ACTR5: variants seen among roughly 807,000 people sequenced by gnomAD.
ACTR5 encodes actin related protein 5.
ACTR5 carries 43 observed loss-of-function variants against 61.2 expected under a neutral mutation model. The observed-to-expected ratio is 0.70, with a 90% CI of 0.55 to 0.91. The LOEUF is 0.91. ACTR5 is among the 40% of genes least tolerant of loss of function. The pLI is 0.00. For missense variants in ACTR5, 798 were observed against 782.2 expected (o/e 1.02, Z -0.24); for synonymous variants, 333 against 310.5 (o/e 1.07, Z -0.76).
intron 3 of ACTR5, among the ~76,000 whole-genome samples, chr20:38,754,298 C>T (rs62202469): frequency 0.034 from 5,101 of 152,226 alleles, 83 homozygotes; most frequent in Non-Finnish European, 0.044. Flanking sequence ...TCTTTTAGAA[C>T]AGGCCTGCTG....
At chr20:38,768,522 C>A (rs890047578) in intron 8 of ACTR5, among the ~76,000 whole-genome samples, 2 of 152,170 alleles carry the variant, frequency 1.3e-5, no homozygotes, top group African/African-American at 2.4e-5. Context: ...CCCAGCAGTG[C>A]CTTGTAAAAG....
At chr20:38,769,960 G>A (rs945707816) in intron 8 of ACTR5, among the ~76,000 whole-genome samples, 2 of 152,168 alleles carry the variant, frequency 1.3e-5, no homozygotes, top group Non-Finnish European at 1.5e-5. Context: ...GAAAAAAATC[G>A]TAGAGGATTT....
chr20:38,763,707 C>T (rs1484579890), intron 5 of ACTR5, among the ~76,000 whole-genome samples: 1 of 152,196 alleles, frequency 6.6e-6, no homozygotes, highest in Admixed American at 6.5e-5. Flanking sequence ...GCATCCTCAC[C>T]CATCAAATAC....
chr20:38,755,215 A>G (rs533306645), intron 4 of ACTR5, 41 bp downstream of exon 4: 3 of 1,508,250 alleles, frequency 2.0e-6, no homozygotes, highest in East Asian at 4.7e-5. Flanking sequence ...CCGTGTTAAC[A>G]AGATAGTCTC....
intron 1 of ACTR5, 60 bp downstream of exon 1, chr20:38,748,913 C>T (rs1300272038): frequency 5.9e-6 from 9 of 1,532,312 alleles, no homozygotes; most frequent in Non-Finnish European, 7.9e-6. Context: ...GGTCTCGTCT[C>T]CGCTCACTCT....
Position 38,764,031 on chromosome 20 carries a change from GC to G in ACTR5, c.1177-1369del. Among the ~76,000 whole-genome samples, 2 of 152,190 alleles carry G rather than the reference GC, an allele frequency of 1.3e-5. 1 individual carries two copies. The highest frequency in any genetic ancestry group is 2.9e-5 in the Non-Finnish European group (2 of 68,034). ...GAGTACATTGTCACCCATCTTGCAT[GC>G]CATATTTGCCACATGACTTTTGGTG... On this transcript the variant is annotated intron_variant, in intron 5 of 8. Coordinates refer to ENST00000243903, the MANE Select transcript of ACTR5 (RefSeq NM_024855.4).
At chr20:38,766,190 G>A in intron 6 of ACTR5, 48 bp from the exon 7 acceptor site, 1 of 1,573,092 alleles carries the variant, frequency 6.4e-7, no homozygotes, top group Non-Finnish European at 8.6e-7. Context: ...CAACTGGAAT[G>A]TTTGTCATTT....
rs532350717 is a variant in ACTR5, at chr20:38,760,301, A to G, written c.1176+4262A>G. On this transcript the variant is annotated intron_variant, in intron 5 of 8. Coordinates refer to ENST00000243903, the MANE Select transcript of ACTR5 (RefSeq NM_024855.4). ...GGTGGGTGATGAAGTGGAGATGACT[A>G]TTAAGTTCTTTACCCATCAGTCTTA... Among the ~76,000 whole-genome samples, 153 of 152,264 alleles carry G rather than the reference A, an allele frequency of 1.0e-3. 1 individual carries two copies. Among genetic ancestry groups the G allele is most frequent in the Non-Finnish European group, 1.8e-3 (122 of 68,020 alleles).
intron 4 of ACTR5, 95 bp from the exon 5 acceptor site, chr20:38,755,762 G>C: frequency 7.2e-7 from 1 of 1,390,800 alleles, no homozygotes. Context: ...GGGCAGGGTA[G>C]GCCAGGGGAG....
At chr20:38,763,360 TC>T (rs1329705688) in intron 5 of ACTR5, among the ~76,000 whole-genome samples, 2 of 152,188 alleles carry the variant, frequency 1.3e-5, no homozygotes, top group African/African-American at 4.8e-5. Flanking sequence ...CTGAGAGTCT[TC>T]CAGATCACAA....
At chr20:38,769,499 A>T (rs2084507578) in intron 8 of ACTR5, among the ~76,000 whole-genome samples, 1 of 152,206 alleles carries the variant, frequency 6.6e-6, no homozygotes, top group South Asian at 2.1e-4. Context: ...TAATTCCTAA[A>T]TTCTAAGTGG....
chr20:38,755,201 C>T, intron 4 of ACTR5, 27 bp downstream of exon 4: 3 of 1,542,982 alleles, frequency 1.9e-6, no homozygotes, highest in East Asian at 2.3e-5. Flanking sequence ...GGACGGGCGC[C>T]CTTCCGTGTT....
rs2084459281 is a variant in ACTR5, at chr20:38,762,222, AT to A, written c.1177-3179del. The stretch of plus-strand genomic sequence containing the variant: ...CTGGGAGGACTCAAGGTCTGGGTTC[AT>A]GGGGGACTCTTGACCCAGGCACCCA... On this transcript the variant is annotated intron_variant, in intron 5 of 8. Coordinates refer to ENST00000243903, the MANE Select transcript of ACTR5 (RefSeq NM_024855.4). 2.0e-5 allele frequency among the ~76,000 whole-genome samples: 3 copies of A among 152,160 alleles called. No homozygotes were observed. In the South Asian group the frequency reaches 6.2e-4, roughly 32 times the overall value.
chr20:38,755,849 GT>G lies in ACTR5; in HGVS notation c.994-4del. ...TTTCCTTCCTGTTTGTGACTGCTCT[GT>G]TTTCAGGAACTTCTAGAGGATGGCC... On this transcript the variant is annotated splice_region_variant and splice_polypyrimidine_tract_variant and intron_variant, in intron 4 of 8. Coordinates refer to ENST00000243903, the MANE Select transcript of ACTR5 (RefSeq NM_024855.4). 6.2e-7 allele frequency: 1 copy of G among 1,614,014 alleles called. No individual in the cohort carries two copies. The highest frequency in any genetic ancestry group is 1.7e-4 in the Middle Eastern group (1 of 6,056).
chr20:38,771,811 G>A lies in ACTR5; in HGVS notation c.1819G>A (p.Ala607Thr), dbSNP rs2084522034. ...AAGGGGAGEQ[A>T] ...TGGTGGAGGTGGTGCTGGTGAGCAGGCATAGCAGAGGCCCTCCAGAGAGAC... is the reference window on the plus strand; with the variant it reads ...TGGTGGAGGTGGTGCTGGTGAGCAGACATAGCAGAGGCCCTCCAGAGAGAC... The change falls in exon 9 of 9, where the codon GCA (alanine) becomes ACA (threonine). Residue 607 changes from alanine (A) to threonine (T), a missense_variant. Ala to Thr is a moderately conservative substitution (Grantham distance 58). Transcript: ENST00000243903. 2.5e-6 allele frequency: 4 copies of A among 1,610,516 alleles called. No individual in the cohort carries two copies. The South Asian group carries it at 3.3e-5, about 13-fold the overall frequency.
chr20:38,752,052 A>G (rs938318511), intron 2 of ACTR5, 79 bp from the exon 3 acceptor site: 4 of 1,489,944 alleles, frequency 2.7e-6, no homozygotes, highest in Non-Finnish European at 3.7e-6. Context: ...TCTGCCTTAA[A>G]TTATCTTGTT....
At position 38,767,580 on chromosome 20, in the gene ACTR5, T is replaced by G. The variant is rs754240396; in HGVS notation, c.1550T>G (p.Phe517Cys). Residue 517 changes from phenylalanine (F) to cysteine (C), a missense_variant, in exon 8 of 9, where the codon TTC (phenylalanine) becomes TGC (cysteine). Physicochemically the swap from Phe to Cys is radical, Grantham distance 205 (BLOSUM62 -2). Coordinates refer to ENST00000243903, the MANE Select transcript of ACTR5 (RefSeq NM_024855.4). ...AAGGAACTGTTGGAGATGAGACCCT[T>G]CCGGTCTTCTTTTCAGGTACTGATT... The part of the protein sequence containing the change: ...MEKELLEMRP[F>C]RSSFQVQLAS... 6.2e-7 allele frequency: 1 copy of G among 1,612,540 alleles called. No homozygotes were observed. The highest frequency in any genetic ancestry group is 1.7e-5 in the Admixed American group (1 of 59,776).
At chr20:38,769,137 T>C (rs1968910983) in intron 8 of ACTR5, among the ~76,000 whole-genome samples, 2 of 152,132 alleles carry the variant, frequency 1.3e-5, no homozygotes, top group Non-Finnish European at 2.9e-5. Flanking sequence ...TTTCCAGAGT[T>C]TTCCTGCCTC....
chr20:38,770,607 T>C (rs1269817497), intron 8 of ACTR5, among the ~76,000 whole-genome samples: 7 of 152,250 alleles, frequency 4.6e-5, no homozygotes, highest in Admixed American at 6.5e-5. Flanking sequence ...GCTGCATTTT[T>C]TATTAGTAAT....
Sources: allele counts gnomAD v4.1 joint callset (sites outside exome capture counted in the v4.1 genomes callset), GRCh38; gene constraint gnomAD v4.1.1; transcripts MANE v1.5; gene names NCBI Gene and HGNC (gene_info 2026-07-23, HGNC 2026-07-21).